The following THRB variants were observed in gnomAD, a reference collection of about 807,000 sequenced individuals.
The protein encoded by THRB is thyroid hormone receptor beta, also known as nuclear receptor subfamily 1 group A member 2.
THRB carries 12 observed loss-of-function variants against 47.8 expected under a neutral mutation model. The observed-to-expected ratio is 0.25, with a 90% CI of 0.16 to 0.41. THRB has a LOEUF of 0.41. THRB is among the 10% of genes least tolerant of loss of function. The probability of loss-of-function intolerance (pLI) is 1.00; values close to 1 mark genes in which losing one functional copy is unlikely to be tolerated. For missense variants in THRB, 348 were observed against 589.2 expected (o/e 0.59, Z 4.24); for synonymous variants, 218 against 212.2 (o/e 1.03, Z -0.24).
intron 5 of THRB, among the ~76,000 whole-genome samples, chr3:24,189,555 A>G (rs2043069672): frequency 6.6e-6 from 1 of 152,138 alleles, no homozygotes; most frequent in Non-Finnish European, 1.5e-5. Context: ...ACCTCCTAAC[A>G]CCATAATCTC....
chr3:24,122,571 C>T lies in THRB; in HGVS notation c.*313G>A. The T allele has an allele frequency of 2.4e-6, 1 of 416,292 alleles. No individual in the cohort carries two copies. The highest frequency in any genetic ancestry group is 2.2e-5 in the South Asian group (1 of 44,812). The allele number at this position is 416,292 out of a possible 1,614,324, so 25.8% of individuals were successfully genotyped here. Reference sequence around the variant, plus strand: ...GTCCTGTGGCGCCATTTTGCTGACTCAAGTCTTGGACCAGGGACGGGTGGG... The same window carrying T: ...GTCCTGTGGCGCCATTTTGCTGACTTAAGTCTTGGACCAGGGACGGGTGGG... On this transcript the variant is annotated 3_prime_UTR_variant, in exon 11 of 11. Transcript: ENST00000646209.
intron 4 of THRB, among the ~76,000 whole-genome samples, chr3:24,207,486 G>C (rs370324488): frequency 1.8e-4 from 28 of 152,220 alleles, no homozygotes; most frequent in African/African-American, 5.3e-4. Flanking sequence ...GGTACTGATG[G>C]GACATATCTC....
intron 3 of THRB, among the ~76,000 whole-genome samples, chr3:24,261,778 T>TA (rs2052067637): frequency 6.6e-6 from 1 of 152,206 alleles, no homozygotes; most frequent in Middle Eastern, 3.2e-3. Context: ...CAACACTTGA[T>TA]ACAGCTAGCT....
chr3:24,450,477 C>T (rs1292519161), intron 1 of THRB, among the ~76,000 whole-genome samples: 3 of 152,234 alleles, frequency 2.0e-5, no homozygotes, highest in East Asian at 3.9e-4. Flanking sequence ...CATTTATGAA[C>T]GTATTCTACA....
Position 24,468,854 on chromosome 3 carries a change from GCATAGTTGCCACAAACTTTCAGTCA to G in THRB, c.-261+25773_-261+25797del, listed in dbSNP as rs544982595. Among the ~76,000 whole-genome samples the G allele has an allele frequency of 4.3e-4, 65 of 152,294 alleles. No homozygotes were observed. The East Asian group carries it at 4.8e-3, about 11-fold the overall frequency. The stretch of plus-strand genomic sequence containing the variant: ...AATGGTGCCAATAAATCTGCTTGAC[GCATAGTTGCCACAAACTTTCAGTCA>G]CATAGTTGCCACAAACTTTCAGTTT... On this transcript the variant is annotated intron_variant, in intron 1 of 10. Transcript: ENST00000646209.
intron 1 of THRB, among the ~76,000 whole-genome samples, chr3:24,489,178 G>A (rs1422706845): frequency 1.3e-5 from 2 of 151,706 alleles, no homozygotes; most frequent in African/African-American, 4.8e-5. Flanking sequence ...GGAGGTGGAG[G>A]TTGCAGTGAG....
intron 3 of THRB, among the ~76,000 whole-genome samples, chr3:24,253,906 T>C (rs1187588019): frequency 6.6e-6 from 1 of 151,496 alleles, no homozygotes; most frequent in East Asian, 1.9e-4. Flanking sequence ...TCTTCAAACG[T>C]TTCTGGAACT....
At chr3:24,432,948 T>G (rs1293278722) in intron 1 of THRB, among the ~76,000 whole-genome samples, 1 of 152,122 alleles carries the variant, frequency 6.6e-6, no homozygotes, top group African/African-American at 2.4e-5. Context: ...TTATATTTTA[T>G]AATTCAGACC....
At chr3:24,423,341 G>A (rs1461605202) in intron 1 of THRB, among the ~76,000 whole-genome samples, 1 of 151,842 alleles carries the variant, frequency 6.6e-6, no homozygotes, top group Non-Finnish European at 1.5e-5. Context: ...GAACACTTCT[G>A]AGGTAAAGAA....
At chr3:24,406,822 G>A (rs986498378) in intron 1 of THRB, among the ~76,000 whole-genome samples, 1 of 151,822 alleles carries the variant, frequency 6.6e-6, no homozygotes, top group Non-Finnish European at 1.5e-5. Flanking sequence ...CAAAACAATT[G>A]GAATCAGATT....
intron 2 of THRB, among the ~76,000 whole-genome samples, chr3:24,328,989 C>A (rs1476083692): frequency 2.0e-5 from 3 of 152,060 alleles, no homozygotes; most frequent in Admixed American, 1.3e-4. Context: ...CTCTGTCACC[C>A]AGGCTGGAGT....
rs545709326 is a variant in THRB at position 24,236,905 on chromosome 3, T to C, written c.-42-7904A>G. Among the ~76,000 whole-genome samples the C allele has an allele frequency of 3.0e-4, 46 of 152,266 alleles. 1 individual carries two copies. In the South Asian group the frequency reaches 7.3e-3, roughly 24 times the overall value. ...TAAATAATGGTTGAATTTCTCATGA[T>C]AGGAATCAGTTAAGAACTCAAATAG... On this transcript the variant is annotated intron_variant, in intron 3 of 10. Coordinates refer to ENST00000646209, the MANE Select transcript of THRB (RefSeq NM_001354712.2).
chr3:24,218,776 G>A (rs186209188), intron 4 of THRB, among the ~76,000 whole-genome samples: 10 of 152,264 alleles, frequency 6.6e-5, no homozygotes, highest in African/African-American at 2.2e-4. Context: ...ATTTCCCCAA[G>A]TGAGTTAAAC....
At chr3:24,153,474 T>G (rs2037334111) in intron 5 of THRB, among the ~76,000 whole-genome samples, 1 of 152,224 alleles carries the variant, frequency 6.6e-6, no homozygotes, top group South Asian at 2.1e-4. Context: ...TAGTGTGAAA[T>G]GACAGAGGTT....
chr3:24,461,204 T>A (rs2073668435), intron 1 of THRB, among the ~76,000 whole-genome samples: 1 of 152,188 alleles, frequency 6.6e-6, no homozygotes, highest in South Asian at 2.1e-4. Flanking sequence ...GGTTTTGAAG[T>A]GAGGCAGGCC....
chr3:24,205,118 G>A (rs1316891272), intron 4 of THRB, among the ~76,000 whole-genome samples: 3 of 152,130 alleles, frequency 2.0e-5, no homozygotes, highest in Non-Finnish European at 2.9e-5. Flanking sequence ...ACCTAGCAAG[G>A]CAGGCCAACA....
At chr3:24,162,837 G>A (rs2039080382) in intron 5 of THRB, among the ~76,000 whole-genome samples, 1 of 151,666 alleles carries the variant, frequency 6.6e-6, no homozygotes, top group Non-Finnish European at 1.5e-5. Context: ...TTATAAGATT[G>A]TAATTTTTTT....
intron 5 of THRB, among the ~76,000 whole-genome samples, chr3:24,185,053 CTGATT>C (rs2042394508): frequency 1.3e-5 from 2 of 152,148 alleles, no homozygotes; most frequent in Non-Finnish European, 2.9e-5. Flanking sequence ...ATTGTCATCA[CTGATT>C]TGATTCATTT....
At chr3:24,291,584 T>C (rs1354751793) in intron 3 of THRB, among the ~76,000 whole-genome samples, 1 of 152,228 alleles carries the variant, frequency 6.6e-6, no homozygotes, top group Non-Finnish European at 1.5e-5. Flanking sequence ...GTAAATGCTA[T>C]GTAAAGAGTT....
Sources: allele counts gnomAD v4.1 joint callset (sites outside exome capture counted in the v4.1 genomes callset), GRCh38; gene constraint gnomAD v4.1.1; transcripts MANE v1.5; gene names NCBI Gene and HGNC (gene_info 2026-07-23, HGNC 2026-07-21).